ZNF804A: variants seen among roughly 807,000 people sequenced by gnomAD.
The protein encoded by ZNF804A is zinc finger protein 804A.
Under a neutral mutation model 16.5 loss-of-function variants are expected in ZNF804A, and 2 were observed. That is an observed-to-expected ratio of 0.12 (90% confidence interval 0.05 to 0.38). The LOEUF (loss-of-function observed/expected upper bound fraction) is 0.38, where lower values mean the gene tolerates loss of function less well. Ranked by LOEUF, ZNF804A falls within the 10% of genes least tolerant of loss-of-function variation. ZNF804A has a pLI of 0.99. For missense variants in ZNF804A, 1,473 were observed against 1,390.7 expected (o/e 1.06, Z -0.94); for synonymous variants, 534 against 489.6 (o/e 1.09, Z -1.20).
intron 1 of ZNF804A, among the ~76,000 whole-genome samples, chr2:184,742,801 T>C (rs914952784): frequency 7.3e-5 from 11 of 151,692 alleles, no homozygotes; most frequent in Non-Finnish European, 1.3e-4. Flanking sequence ...TAACTATATG[T>C]GTGTGTATAT....
At chr2:184,676,763 T>C (rs575164793) in intron 1 of ZNF804A, among the ~76,000 whole-genome samples, 1 of 151,942 alleles carries the variant, frequency 6.6e-6, no homozygotes, top group Non-Finnish European at 1.5e-5. Context: ...AGGAGATCAA[T>C]AGTATCTTGA....
chr2:184,757,813 C>A (rs547358069), intron 1 of ZNF804A, among the ~76,000 whole-genome samples: 13 of 152,032 alleles, frequency 8.6e-5, no homozygotes, highest in African/African-American at 3.1e-4. Flanking sequence ...ACAAACAAAA[C>A]AATAAAAATA....
chr2:184,727,418 C>T (rs986382913), intron 1 of ZNF804A, among the ~76,000 whole-genome samples: 1 of 151,538 alleles, frequency 6.6e-6, no homozygotes, highest in Admixed American at 6.6e-5. Flanking sequence ...TGGTCTCTTC[C>T]TGCAGGAATG....
At chr2:184,915,924 C>G (rs1485245979) in intron 2 of ZNF804A, among the ~76,000 whole-genome samples, 2 of 152,042 alleles carry the variant, frequency 1.3e-5, no homozygotes, top group African/African-American at 4.8e-5. Context: ...TAAATAATGA[C>G]TAGAACAAAA....
Position 184,772,085 on chromosome 2 carries a change from G to T in ZNF804A, c.112-94284G>T, listed in dbSNP as rs139082313. On this transcript the variant is annotated intron_variant, in intron 1 of 3. Coordinates refer to ENST00000302277, the MANE Select transcript of ZNF804A (RefSeq NM_194250.2). ...TTATAATGTTAATGTTCTATTTCTT[G>T]ATATTTTATTTTCCATTATTTTCTA... 2.2e-3 allele frequency among the ~76,000 whole-genome samples: 327 copies of T among 151,924 alleles called. 1 individual carries two copies. Among genetic ancestry groups the T allele is most frequent in the Middle Eastern group, 6.8e-3 (2 of 294 alleles).
At chr2:184,806,899 T>C (rs894574578) in intron 1 of ZNF804A, among the ~76,000 whole-genome samples, 2 of 151,914 alleles carry the variant, frequency 1.3e-5, no homozygotes, top group African/African-American at 4.8e-5. Flanking sequence ...TTAAAGTCTT[T>C]ATTTAAATAG....
intron 1 of ZNF804A, among the ~76,000 whole-genome samples, chr2:184,689,178 A>T (rs758245321): frequency 1.1e-4 from 17 of 152,134 alleles, no homozygotes; most frequent in Non-Finnish European, 2.4e-4. Context: ...TGACAGTCTG[A>T]GCATCTCTCC....
At chr2:184,819,444 C>A (rs1167434391) in intron 1 of ZNF804A, among the ~76,000 whole-genome samples, 3 of 151,930 alleles carry the variant, frequency 2.0e-5, no homozygotes, top group African/African-American at 7.2e-5. Flanking sequence ...ATTTATAGCA[C>A]TGAATGCCCA....
intron 1 of ZNF804A, among the ~76,000 whole-genome samples, chr2:184,747,848 C>T (rs186793143): frequency 6.6e-6 from 1 of 151,266 alleles, no homozygotes; most frequent in Non-Finnish European, 1.5e-5. Context: ...TTTTCCTATG[C>T]TCTCTTCTAT....
intron 1 of ZNF804A, among the ~76,000 whole-genome samples, chr2:184,766,581 C>G (rs544936653): frequency 6.7e-6 from 1 of 149,964 alleles, no homozygotes; most frequent in Non-Finnish European, 1.5e-5. Context: ...TGTATCTTTA[C>G]TGTGCGATAT....
chr2:184,933,505 A>G, intron 2 of ZNF804A, 98 bp from the exon 3 acceptor site: 1 of 1,178,268 alleles, frequency 8.5e-7, no homozygotes, highest in Non-Finnish European at 1.2e-6. Context: ...CGACAAGGTC[A>G]AAGATGATGC....
chr2:184,723,422 G>T (rs2105743564), intron 1 of ZNF804A, among the ~76,000 whole-genome samples: 1 of 151,658 alleles, frequency 6.6e-6, no homozygotes, highest in South Asian at 2.1e-4. Flanking sequence ...TAAATTGGGA[G>T]AAAAATTAAA....
chr2:184,604,052 AGTTAT>A (rs1279628568), intron 1 of ZNF804A, among the ~76,000 whole-genome samples: 3 of 144,386 alleles, frequency 2.1e-5, no homozygotes, highest in Admixed American at 7.0e-5. Flanking sequence ...TTAAATATTG[AGTTAT>A]GTTAGATAGC....
At chr2:184,769,866 C>CA (rs2105767949) in intron 1 of ZNF804A, among the ~76,000 whole-genome samples, 1 of 152,176 alleles carries the variant, frequency 6.6e-6, no homozygotes, top group Non-Finnish European at 1.5e-5. Context: ...TCATTATTAA[C>CA]AACCTTCAAG....
At chr2:184,867,620 CT>C (rs1695894517) in intron 2 of ZNF804A, among the ~76,000 whole-genome samples, 1 of 152,048 alleles carries the variant, frequency 6.6e-6, no homozygotes, top group Non-Finnish European at 1.5e-5. Context: ...TTTCTTTCCC[CT>C]GGTAGTAGAT....
At chr2:184,931,132 C>T (rs751237072) in intron 2 of ZNF804A, among the ~76,000 whole-genome samples, 16 of 152,184 alleles carry the variant, frequency 1.1e-4, no homozygotes, top group South Asian at 4.1e-4. Flanking sequence ...GCTGCTTTCA[C>T]GAGCTGGTGT....
At chr2:184,855,727 T>C (rs551105543) in intron 1 of ZNF804A, among the ~76,000 whole-genome samples, 6 of 152,088 alleles carry the variant, frequency 3.9e-5, no homozygotes, top group African/African-American at 1.4e-4. Context: ...TGTATCATGA[T>C]GGACGCCATA....
At chr2:184,809,329 G>C (rs1574222626) in intron 1 of ZNF804A, among the ~76,000 whole-genome samples, 1 of 151,762 alleles carries the variant, frequency 6.6e-6, no homozygotes, top group East Asian at 1.9e-4. Context: ...GAATGAATGA[G>C]TAGGAGAAAG....
chr2:184,858,609 A>G (rs1188617604), intron 1 of ZNF804A, among the ~76,000 whole-genome samples: 2 of 151,938 alleles, frequency 1.3e-5, no homozygotes, highest in African/African-American at 2.4e-5. Flanking sequence ...TTTAATTTAC[A>G]TATTTTAATA....
Sources: allele counts gnomAD v4.1 joint callset (sites outside exome capture counted in the v4.1 genomes callset), GRCh38; gene constraint gnomAD v4.1.1; transcripts MANE v1.5; gene names NCBI Gene and HGNC (gene_info 2026-07-23, HGNC 2026-07-21).